FAM163B: variants seen among roughly 807,000 people sequenced by gnomAD.
FAM163B encodes family with sequence similarity 163 member B, also known as protein FAM163B.
FAM163B carries 4 observed loss-of-function variants against 7.6 expected under a neutral mutation model. That is an observed-to-expected ratio of 0.52 (90% confidence interval 0.26 to 1.20). FAM163B has a LOEUF of 1.20. Among genes scored for constraint, FAM163B ranks in the 50% most tolerant of loss-of-function variants. The pLI, the probability that FAM163B is intolerant of heterozygous loss-of-function variation, is 0.14. For missense variants in FAM163B, 250 were observed against 243.0 expected, an observed-to-expected ratio of 1.03 and a Z score of -0.19; for synonymous variants, 120 against 111.6, an observed-to-expected ratio of 1.07 and a Z score of -0.47.
At chr9:133,605,994 C>T (rs745972836) in intron 1 of FAM163B, among the ~76,000 whole-genome samples, 6 of 152,186 alleles carry the variant, frequency 3.9e-5, no homozygotes, top group Non-Finnish European at 5.9e-5. Context: ...CATGTCCCTC[C>T]GGGCTCCCAG....
At chr9:133,598,213 C>T (rs934972320) in intron 1 of FAM163B, among the ~76,000 whole-genome samples, 8 of 152,020 alleles carry the variant, frequency 5.3e-5, no homozygotes, top group African/African-American at 1.9e-4. Flanking sequence ...TTGTTAGAGG[C>T]AGGGTTGAGG....
chr9:133,602,232 G>T (rs1005700525), intron 1 of FAM163B, among the ~76,000 whole-genome samples: 9 of 152,158 alleles, frequency 5.9e-5, no homozygotes, highest in African/African-American at 2.2e-4. Context: ...GATGACGACG[G>T]ATGAGTTCTC....
intron 1 of FAM163B, among the ~76,000 whole-genome samples, chr9:133,596,465 A>T (rs1336810548): frequency 6.6e-6 from 1 of 152,154 alleles, no homozygotes; most frequent in African/African-American, 2.4e-5. Context: ...GTTTCAGCCA[A>T]GATGGGGTAA....
intron 1 of FAM163B, among the ~76,000 whole-genome samples, chr9:133,589,696 C>T (rs1009916951): frequency 6.6e-6 from 1 of 152,106 alleles, no homozygotes; most frequent in African/African-American, 2.4e-5. Flanking sequence ...ACACTTGCAC[C>T]GCAGGCCCTG....
intron 1 of FAM163B, among the ~76,000 whole-genome samples, chr9:133,585,143 C>T (rs913427750): frequency 1.3e-5 from 2 of 152,192 alleles, no homozygotes; most frequent in South Asian, 2.1e-4. Context: ...TCTCTGTAGC[C>T]GGCAGGGAGA....
At chr9:133,605,010 G>A (rs1831772839) in intron 1 of FAM163B, among the ~76,000 whole-genome samples, 1 of 152,230 alleles carries the variant, frequency 6.6e-6, no homozygotes, top group South Asian at 2.1e-4. Context: ...TCCTGCCTGT[G>A]TGTGAACACT....
chr9:133,600,077 GTGTC>G lies in FAM163B; in HGVS notation c.-24+8996_-24+8999del, dbSNP rs1432682516. 1.4e-3 allele frequency among the ~76,000 whole-genome samples: 203 copies of G among 148,004 alleles called. 1 individual carries two copies. Among genetic ancestry groups the G allele is most frequent in the African/African-American group, 4.9e-3 (185 of 38,082 alleles). On this transcript the variant is annotated intron_variant, in intron 1 of 2. Coordinates refer to ENST00000673969, the MANE Select transcript of FAM163B (RefSeq NM_001080515.3). This position sits in a 1 kb window ranked among gnomAD's most constrained non-coding sequence, Gnocchi z 4.9. ...TGTGAGTTTGTGTGTGCATGTGTGT[GTGTC>G]TGTGTGCATGTGTGCCTCTGAATGT...
chr9:133,580,271 G>A (rs1831336661), intron 1 of FAM163B, 25 bp from the exon 2 acceptor site: 2 of 1,518,686 alleles, frequency 1.3e-6, no homozygotes, highest in East Asian at 2.3e-5. Context: ...GCCAGCTTTA[G>A]AGCATCACGC....
intron 1 of FAM163B, among the ~76,000 whole-genome samples, chr9:133,581,532 C>T (rs947712393): frequency 3.9e-5 from 6 of 152,134 alleles, no homozygotes; most frequent in African/African-American, 9.7e-5. Context: ...TTTCTCCTGT[C>T]GTCTCTGAAA....
At chr9:133,588,256 G>T (rs1242799068) in intron 1 of FAM163B, among the ~76,000 whole-genome samples, 3 of 152,184 alleles carry the variant, frequency 2.0e-5, no homozygotes, top group Non-Finnish European at 2.9e-5. Context: ...GCCCTGTCTG[G>T]GGCAGAGCAG....
In FAM163B at chr9:133,609,296, C is replaced by A. The variant is rs560426062; in HGVS notation, c.-243G>T. Among the ~76,000 whole-genome samples, 375 of 150,054 alleles carry A rather than the reference C, an allele frequency of 2.5e-3. 1 individual carries two copies. The highest frequency in any genetic ancestry group is 8.3e-3 in the African/African-American group (342 of 41,338). ...GTGCCCAGGCGGGCACCCCTGCCAGCTCCGCGCTGCGGCCGCGACTCCGGA... is the reference window on the plus strand; with the variant it reads ...GTGCCCAGGCGGGCACCCCTGCCAGATCCGCGCTGCGGCCGCGACTCCGGA... On this transcript the variant is annotated 5_prime_UTR_variant, in exon 1 of 3. Coordinates refer to ENST00000673969, the MANE Select transcript of FAM163B (RefSeq NM_001080515.3).
Position 133,577,695 on chromosome 9 carries a change from G to T in FAM163B, c.*1327C>A, listed in dbSNP as rs1476906630. On this transcript the variant is annotated 3_prime_UTR_variant, in exon 3 of 3. Coordinates refer to ENST00000673969, the MANE Select transcript of FAM163B (RefSeq NM_001080515.3). The stretch of plus-strand genomic sequence containing the variant: ...AGGCAGAGCCCCAGAGAGGGAAGGG[G>T]GCTCCTGGGGCCAGGCTGCTGAGAG... Among the ~76,000 whole-genome samples, 1 of 152,238 alleles carries T rather than the reference G, an allele frequency of 6.6e-6. No individual in the cohort carries two copies. Among genetic ancestry groups the T allele is most frequent in the East Asian group, 1.9e-4 (1 of 5,188 alleles).
chr9:133,587,732 G>A (rs1831462390), intron 1 of FAM163B, among the ~76,000 whole-genome samples: 1 of 152,150 alleles, frequency 6.6e-6, no homozygotes, highest in Non-Finnish European at 1.5e-5. Flanking sequence ...CCCGACGGGT[G>A]TGGCTGGGAC....
chr9:133,591,648 T>A (rs1831554364), intron 1 of FAM163B, among the ~76,000 whole-genome samples: 1 of 152,196 alleles, frequency 6.6e-6, no homozygotes, highest in South Asian at 2.1e-4. Context: ...GCGGAGAACA[T>A]GCCTTTCTCC....
chr9:133,589,144 C>T (rs1382495102), intron 1 of FAM163B, among the ~76,000 whole-genome samples: 3 of 152,188 alleles, frequency 2.0e-5, no homozygotes, highest in African/African-American at 7.2e-5. Context: ...CCCGTGCCAT[C>T]CTGTGTTGCC....
At chr9:133,589,697 G>A (rs149414385) in intron 1 of FAM163B, among the ~76,000 whole-genome samples, 7 of 152,132 alleles carry the variant, frequency 4.6e-5, no homozygotes, top group South Asian at 4.2e-4. Flanking sequence ...CACTTGCACC[G>A]CAGGCCCTGA....
intron 1 of FAM163B, among the ~76,000 whole-genome samples, chr9:133,598,310 G>T (rs1831660802): frequency 6.6e-6 from 1 of 151,876 alleles, no homozygotes; most frequent in Admixed American, 6.6e-5. Context: ...GTGGAACAAG[G>T]CACAGGGTGG....
rs1298835872 is a variant in FAM163B, at chr9:133,577,355, C to T, written c.*1667G>A. On this transcript the variant is annotated 3_prime_UTR_variant, in exon 3 of 3. Coordinates refer to ENST00000673969, the MANE Select transcript of FAM163B (RefSeq NM_001080515.3). ...GCACAGAGGAAGCCAGAGGTGTGGG[C>T]GGGCCCGGGGGGCCGGGGCTGCGAG... Among the ~76,000 whole-genome samples the T allele has an allele frequency of 3.9e-5, 5 of 127,678 alleles. No homozygotes were observed. The South Asian group carries it at 1.1e-3, about 29-fold the overall frequency. The allele number at this position is 127,678 out of a possible 152,430, so 83.8% of individuals were successfully genotyped here.
At chr9:133,581,555 G>A (rs1471515999) in intron 1 of FAM163B, among the ~76,000 whole-genome samples, 5 of 152,040 alleles carry the variant, frequency 3.3e-5, no homozygotes, top group South Asian at 2.1e-4. Context: ...CCTTTTTTAC[G>A]GTTGGTTAGT....
Sources: allele counts gnomAD v4.1 joint callset (sites outside exome capture counted in the v4.1 genomes callset), GRCh38; gene constraint gnomAD v4.1.1; non-coding constraint Gnocchi (gnomAD v3.1); transcripts MANE v1.5; gene names NCBI Gene and HGNC (gene_info 2026-07-23, HGNC 2026-07-21).